TMEM38B: variants seen among roughly 807,000 people sequenced by gnomAD.
The protein encoded by TMEM38B is trimeric intracellular cation channel type B.
A neutral mutation model predicts 28.7 loss-of-function variants in TMEM38B; 24 were observed. The ratio of observed to expected loss-of-function variants is 0.84; its 90% confidence interval spans 0.61 to 1.18. The LOEUF is 1.18. Ranked by LOEUF, TMEM38B falls within the 50% of genes most tolerant of loss-of-function variation. TMEM38B has a pLI of 0.00. For missense variants in TMEM38B, 380 were observed against 350.9 expected, an observed-to-expected ratio of 1.08 and a Z score of -0.66; for synonymous variants, 131 against 127.7, an observed-to-expected ratio of 1.03 and a Z score of -0.17.
intron 5 of TMEM38B, among the ~76,000 whole-genome samples, chr9:105,751,601 A>G (rs1377014312): frequency 1.3e-5 from 2 of 152,200 alleles, no homozygotes; most frequent in East Asian, 3.9e-4. Context: ...TGCAGGCCCC[A>G]CTTCCATGGC....
At chr9:105,707,614 T>TA (rs2133556252) in intron 2 of TMEM38B, among the ~76,000 whole-genome samples, 1 of 152,332 alleles carries the variant, frequency 6.6e-6, no homozygotes, top group African/African-American at 2.4e-5. Context: ...GTTGAGTTGT[T>TA]ACGATATGTC....
intron 4 of TMEM38B, among the ~76,000 whole-genome samples, chr9:105,726,273 TAA>T (rs1181358469): frequency 6.6e-6 from 1 of 152,188 alleles, no homozygotes; most frequent in South Asian, 2.1e-4. Flanking sequence ...TTTAAATTTT[TAA>T]AAACTTTTTG....
chr9:105,728,406 T>A (rs543395847), intron 4 of TMEM38B, among the ~76,000 whole-genome samples: 6 of 152,344 alleles, frequency 3.9e-5, no homozygotes, highest in African/African-American at 1.2e-4. Flanking sequence ...TCCGTGTCCC[T>A]GTAAAGGACA....
intron 2 of TMEM38B, among the ~76,000 whole-genome samples, chr9:105,712,977 G>C (rs186270593): frequency 4.1e-4 from 63 of 152,358 alleles, no homozygotes; most frequent in Middle Eastern, 3.4e-3. Context: ...CCCAGGCCCA[G>C]TGAGGACCTG....
At position 105,773,871 on chromosome 9, in the gene TMEM38B, A is replaced by G. The variant is rs1353555326; in HGVS notation, c.667A>G (p.Met223Val). The G allele has an allele frequency of 6.2e-7, 1 of 1,610,128 alleles. No individual in the cohort carries two copies. The highest frequency in any genetic ancestry group is 1.1e-5 in the South Asian group (1 of 90,524). The change falls in exon 6 of 6, where the codon ATG (methionine) becomes GTG (valine). Residue 223 changes from methionine to valine, a missense_variant. By Grantham distance (21) the Met-to-Val change is conservative. Transcript: ENST00000374692. Reference sequence around the variant, plus strand: ...TTAAACTTTTTTCCCCCAGATAACCATGATGACTACACAGACTTCTACTAT... The same window carrying G: ...TTAAACTTTTTTCCCCCAGATAACCGTGATGACTACACAGACTTCTACTAT... Reference protein sequence around the residue: ...TIFIVATKITMMTTQTSTMTF... With the variant: ...TIFIVATKITVMTTQTSTMTF...
intron 4 of TMEM38B, among the ~76,000 whole-genome samples, chr9:105,732,250 C>T (rs1189628338): frequency 3.9e-5 from 6 of 152,130 alleles, no homozygotes; most frequent in Admixed American, 6.5e-5. Flanking sequence ...TTCTCCCATT[C>T]TGTAGGTTGC....
intron 2 of TMEM38B, among the ~76,000 whole-genome samples, chr9:105,712,995 C>G (rs1173223650): frequency 6.6e-6 from 1 of 152,216 alleles, no homozygotes; most frequent in East Asian, 1.9e-4. Context: ...CTGGAGCCCC[C>G]ACCCTAGGCT....
intron 4 of TMEM38B, among the ~76,000 whole-genome samples, chr9:105,747,751 T>A (rs1434963240): frequency 6.6e-6 from 1 of 152,200 alleles, no homozygotes. Flanking sequence ...GCCTTACATG[T>A]GTCCCAGAGA....
At chr9:105,735,313 A>T (rs951096618) in intron 4 of TMEM38B, among the ~76,000 whole-genome samples, 16 of 152,304 alleles carry the variant, frequency 1.1e-4, no homozygotes, top group African/African-American at 3.6e-4. Context: ...TAGAAGATTG[A>T]AAGATTTATA....
At chr9:105,701,052 A>G (rs1202359189) in intron 1 of TMEM38B, 2 of 152,040 alleles carry the variant, frequency 1.3e-5, no homozygotes, top group Non-Finnish European at 2.9e-5. Context: ...TCTAAATTTT[A>G]ATAATTTCAG....
chr9:105,707,155 A>G (rs553760954), intron 2 of TMEM38B, among the ~76,000 whole-genome samples: 2 of 152,272 alleles, frequency 1.3e-5, no homozygotes, highest in South Asian at 2.1e-4. Context: ...TATCTTGTGA[A>G]CCTAACTGAT....
intron 1 of TMEM38B, among the ~76,000 whole-genome samples, chr9:105,703,431 T>G (rs2133549332): frequency 6.6e-6 from 1 of 152,368 alleles, no homozygotes; most frequent in East Asian, 1.9e-4. Context: ...CCACATTTTC[T>G]TAATCCAGTC....
rs72730847 is a variant in TMEM38B, at chr9:105,770,672, G to A, written c.661-3193G>A. Among the ~76,000 whole-genome samples, 567 of 152,190 alleles carry A rather than the reference G, an allele frequency of 3.7e-3. 1 individual carries two copies. The highest frequency in any genetic ancestry group is 0.011 in the South Asian group (52 of 4,826). On this transcript the variant is annotated intron_variant, in intron 5 of 5. Transcript: ENST00000374692. ...CATAGAGTGATCAGAAAACCTACTT[G>A]AATATGCCATGTGCCGTTAGGGATT...
At chr9:105,739,049 T>C (rs1837089790) in intron 4 of TMEM38B, among the ~76,000 whole-genome samples, 1 of 152,198 alleles carries the variant, frequency 6.6e-6, no homozygotes, top group African/African-American at 2.4e-5. Context: ...ATCATATGAA[T>C]AGGGGCTCAC....
chr9:105,703,984 A>G (rs1835552002), intron 1 of TMEM38B, among the ~76,000 whole-genome samples: 1 of 152,000 alleles, frequency 6.6e-6, no homozygotes, highest in African/African-American at 2.4e-5. Context: ...TCGCAAGAAC[A>G]AAAAACCAAA....
At chr9:105,698,445 T>C (rs1339088386) in intron 1 of TMEM38B, among the ~76,000 whole-genome samples, 8 of 152,128 alleles carry the variant, frequency 5.3e-5, no homozygotes, top group Admixed American at 3.3e-4. Flanking sequence ...GTGGAGAAGG[T>C]GACATATTTT....
intron 5 of TMEM38B, among the ~76,000 whole-genome samples, chr9:105,769,590 A>G (rs1826481838): frequency 6.6e-6 from 1 of 152,196 alleles, no homozygotes; most frequent in Non-Finnish European, 1.5e-5. Context: ...GTCTGGCTAC[A>G]CATTCTGTTG....
intron 4 of TMEM38B, among the ~76,000 whole-genome samples, chr9:105,728,145 A>C (rs766153717): frequency 2.0e-5 from 3 of 152,156 alleles, no homozygotes; most frequent in Non-Finnish European, 4.4e-5. Flanking sequence ...TACAACGTGC[A>C]GGTTTGTTAC....
chr9:105,728,395 A>T (rs1371751046), intron 4 of TMEM38B, among the ~76,000 whole-genome samples: 2 of 152,114 alleles, frequency 1.3e-5, no homozygotes, highest in Non-Finnish European at 2.9e-5. Context: ...TTACAGCTTC[A>T]TCCGTGTCCC....
Sources: allele counts gnomAD v4.1 joint callset (sites outside exome capture counted in the v4.1 genomes callset), GRCh38; gene constraint gnomAD v4.1.1; transcripts MANE v1.5; gene names NCBI Gene and HGNC (gene_info 2026-07-23, HGNC 2026-07-21).